SAMD3: variants seen among roughly 807,000 people sequenced by gnomAD.
SAMD3 encodes sterile alpha motif domain containing 3.
A neutral mutation model predicts 58.5 loss-of-function variants in SAMD3; 63 were observed. That is an observed-to-expected ratio of 1.08 (90% CI 0.88 to 1.33). The LOEUF (loss-of-function observed/expected upper bound fraction) is 1.33. Among genes scored for constraint, SAMD3 ranks in the 40% most tolerant of loss-of-function variants. The probability of loss-of-function intolerance (pLI) is 0.00; values close to 1 mark genes in which losing one functional copy is unlikely to be tolerated. For synonymous variants in SAMD3, 220 were observed against 210.3 expected, an observed-to-expected ratio of 1.05 and a Z score of -0.40; for missense variants, 604 against 608.4, an observed-to-expected ratio of 0.99 and a Z score of 0.08.
At chr6:130,351,172 A>T (rs971044493) in intron 1 of SAMD3, among the ~76,000 whole-genome samples, 4 of 152,224 alleles carry the variant, frequency 2.6e-5, no homozygotes, top group Non-Finnish European at 5.9e-5. Flanking sequence ...ATGGACAAAG[A>T]CTTTTTGTCT....
chr6:130,269,855 T>G (rs1774498040), intron 2 of SAMD3, among the ~76,000 whole-genome samples: 1 of 151,984 alleles, frequency 6.6e-6, no homozygotes, highest in East Asian at 1.9e-4. Context: ...TGGTACAGGC[T>G]TCCTTACCAG....
At chr6:130,229,605 C>T (rs1369698950) in intron 2 of SAMD3, among the ~76,000 whole-genome samples, 1 of 152,156 alleles carries the variant, frequency 6.6e-6, no homozygotes, top group Non-Finnish European at 1.5e-5. Context: ...CTGGAGGCGA[C>T]TAAACATGAA....
chr6:130,306,557 AG>A (rs78280791), intron 2 of SAMD3, among the ~76,000 whole-genome samples: 25,599 of 152,152 alleles, frequency 0.17, 2,386 homozygotes, highest in East Asian at 0.36. Context: ...TTGAACCGAC[AG>A]AAATTAGAAA....
upstream of SAMD3, chr6:130,365,800 A>T (rs1301465772): frequency 4.1e-6 from 4 of 985,302 alleles, no homozygotes; most frequent in Non-Finnish European, 3.6e-6. Context: ...CGGGACGCGG[A>T]TCGGCCGGCC....
intron 2 of SAMD3, among the ~76,000 whole-genome samples, chr6:130,253,631 A>G (rs1215957549): frequency 6.6e-6 from 1 of 152,120 alleles, no homozygotes; most frequent in Non-Finnish European, 1.5e-5. Flanking sequence ...AATATGTGTT[A>G]TATGTATAAT....
intron 2 of SAMD3, among the ~76,000 whole-genome samples, chr6:130,303,574 C>G (rs1775820728): frequency 6.6e-6 from 1 of 152,104 alleles, no homozygotes; most frequent in Non-Finnish European, 1.5e-5. Flanking sequence ...AGTTTGGAGT[C>G]AAAATCAAAT....
chr6:130,351,472 A>G (rs1777662344), intron 1 of SAMD3, among the ~76,000 whole-genome samples: 1 of 152,252 alleles, frequency 6.6e-6, no homozygotes, highest in African/African-American at 2.4e-5. Context: ...AGACACACGA[A>G]AAAATGCTCA....
chr6:130,231,058 T>A (rs1417795160), intron 2 of SAMD3, among the ~76,000 whole-genome samples: 1 of 152,104 alleles, frequency 6.6e-6, no homozygotes, highest in Non-Finnish European at 1.5e-5. Flanking sequence ...TGTGCATGGG[T>A]GCAACATATT....
At chr6:130,286,887 T>C (rs1775175200) in intron 2 of SAMD3, among the ~76,000 whole-genome samples, 2 of 152,160 alleles carry the variant, frequency 1.3e-5, no homozygotes, top group African/African-American at 4.8e-5. Flanking sequence ...TTTTTGTATT[T>C]TTAGTACAGA....
intron 2 of SAMD3, among the ~76,000 whole-genome samples, chr6:130,256,131 G>A (rs1773920130): frequency 6.6e-6 from 1 of 150,444 alleles, no homozygotes; most frequent in African/African-American, 2.5e-5. Flanking sequence ...ATGAGAACAA[G>A]CAAAAGCACC....
chr6:130,254,295 G>A (rs1173097097), intron 2 of SAMD3, among the ~76,000 whole-genome samples: 3 of 151,956 alleles, frequency 2.0e-5, no homozygotes, highest in East Asian at 1.9e-4. Flanking sequence ...CCAGGTTCAA[G>A]GAATTCTCCT....
intron 1 of SAMD3, among the ~76,000 whole-genome samples, chr6:130,315,963 A>G (rs1231000265): frequency 6.6e-6 from 1 of 152,206 alleles, no homozygotes; most frequent in African/African-American, 2.4e-5. Flanking sequence ...GAAGGTTCAT[A>G]TCTTTCTTCA....
chr6:130,312,331 A>G (rs1776201075), intron 2 of SAMD3, among the ~76,000 whole-genome samples: 1 of 152,226 alleles, frequency 6.6e-6, no homozygotes, highest in African/African-American at 2.4e-5. Flanking sequence ...AGAAATTTTA[A>G]AACAACAATG....
chr6:130,194,125 G>A (rs1339861760), intron 5 of SAMD3, among the ~76,000 whole-genome samples: 1 of 152,078 alleles, frequency 6.6e-6, no homozygotes, highest in Admixed American at 6.5e-5. Context: ...GTTTCATTCT[G>A]CGACTAGCCC....
At chr6:130,275,782 T>G (rs1184139575) in intron 2 of SAMD3, among the ~76,000 whole-genome samples, 1 of 152,182 alleles carries the variant, frequency 6.6e-6, no homozygotes, top group Admixed American at 6.5e-5. Context: ...TTCTTTTTAT[T>G]ATTTACATTT....
chr6:130,150,450 T>TG (rs1789053977), intron 9 of SAMD3, among the ~76,000 whole-genome samples: 1 of 152,114 alleles, frequency 6.6e-6, no homozygotes, highest in Admixed American at 6.5e-5. Flanking sequence ...GATCCACTAG[T>TG]GGGGAGTCTG....
chr6:130,303,696 C>A (rs1445640533), intron 2 of SAMD3, among the ~76,000 whole-genome samples: 9 of 152,114 alleles, frequency 5.9e-5, no homozygotes, highest in Non-Finnish European at 1.5e-5. Flanking sequence ...TGCTCTACCA[C>A]CCCAGTCCAA....
At chr6:130,176,543 G>A (rs1429769820) in intron 7 of SAMD3, among the ~76,000 whole-genome samples, 11 of 152,248 alleles carry the variant, frequency 7.2e-5, no homozygotes, top group Non-Finnish European at 1.5e-4. Context: ...CTCTGGGAGG[G>A]AGAAGGGTGT....
chr6:130,238,512 A>C, intron 2 of SAMD3, among the ~76,000 whole-genome samples: 1 of 152,180 alleles, frequency 6.6e-6, no homozygotes, highest in East Asian at 1.9e-4. Context: ...GGAGAAAGAA[A>C]ATTGTCTCTT....
Sources: gnomAD v4.1 joint callset for allele counts (sites outside exome capture counted in the v4.1 genomes callset) on GRCh38, gnomAD v4.1.1 for gene constraint, MANE v1.5 for transcripts, NCBI Gene and HGNC (gene_info 2026-07-23, HGNC 2026-07-21) for gene names.